The following CELF4 variants were observed in gnomAD, a reference collection of about 807,000 sequenced individuals.
The protein encoded by CELF4 is CUGBP Elav-like family member 4.
Under a neutral mutation model 59.9 loss-of-function variants are expected in CELF4, and 18 were observed. The observed-to-expected ratio is 0.30, with a 90% confidence interval of 0.21 to 0.45. The LOEUF (loss-of-function observed/expected upper bound fraction) is 0.45. Among genes scored for constraint, CELF4 ranks in the 20% least tolerant of loss-of-function variants. The probability of loss-of-function intolerance (pLI) is 1.00; values close to 1 mark genes in which losing one functional copy is unlikely to be tolerated. For synonymous variants in CELF4, 261 were observed against 267.1 expected (o/e 0.98, Z 0.22); for missense variants, 456 against 689.0 (o/e 0.66, Z 3.79).
At chr18:37,350,293 A>G (rs997798138) in intron 2 of CELF4, among the ~76,000 whole-genome samples, 6 of 152,300 alleles carry the variant, frequency 3.9e-5, no homozygotes, top group Middle Eastern at 6.8e-3. Context: ...TATCCAGAAC[A>G]TTCTCATCCA....
chr18:37,264,772 C>A lies in CELF4; in HGVS notation c.1166-15G>T. 2 of 1,558,492 alleles carry A rather than the reference C, an allele frequency of 1.3e-6. No homozygotes were observed. The highest frequency in any genetic ancestry group is 1.7e-6 in the Non-Finnish European group (2 of 1,149,210). ...GTAGGCAGCTGCTGGAGGCCCAAGA[C>A]AAGAAGCAAGAGCCGGCGACAAGGC... On this transcript the variant is annotated splice_polypyrimidine_tract_variant and intron_variant, in intron 9 of 12. Transcript: ENST00000420428.
At chr18:37,302,088 G>A (rs1436811822) in intron 3 of CELF4, among the ~76,000 whole-genome samples, 3 of 152,186 alleles carry the variant, frequency 2.0e-5, no homozygotes, top group East Asian at 1.9e-4. Context: ...CTTTCACAGC[G>A]AACAAGTTGG....
intron 1 of CELF4, among the ~76,000 whole-genome samples, chr18:37,503,291 G>A (rs1214620981): frequency 6.6e-6 from 1 of 152,234 alleles, no homozygotes; most frequent in African/African-American, 2.4e-5. Context: ...AGGAGCACTT[G>A]CAGCCAGAGA....
chr18:37,453,458 C>T (rs1478359899), intron 2 of CELF4, among the ~76,000 whole-genome samples: 1 of 152,224 alleles, frequency 6.6e-6, no homozygotes, highest in Non-Finnish European at 1.5e-5. Flanking sequence ...GTGTGACACT[C>T]TTGGGGGAAC....
intron 1 of CELF4, among the ~76,000 whole-genome samples, chr18:37,520,712 A>T (rs895580048): frequency 2.0e-5 from 3 of 152,144 alleles, no homozygotes; most frequent in African/African-American, 7.2e-5. Context: ...GAGCACTCAG[A>T]TCCCAAGACA....
intron 2 of CELF4, among the ~76,000 whole-genome samples, chr18:37,447,535 G>C (rs191970859): frequency 6.6e-6 from 1 of 152,156 alleles, no homozygotes; most frequent in African/African-American, 2.4e-5. Flanking sequence ...GGAGCGACCC[G>C]TTTTTCTTTC....
intron 2 of CELF4, among the ~76,000 whole-genome samples, chr18:37,434,580 G>A (rs2099683225): frequency 6.6e-6 from 1 of 152,214 alleles, no homozygotes; most frequent in Non-Finnish European, 1.5e-5. Flanking sequence ...GGAGATGGAA[G>A]AGAGCCGGGG....
intron 2 of CELF4, among the ~76,000 whole-genome samples, chr18:37,393,235 T>G (rs1037574230): frequency 1.3e-5 from 2 of 152,162 alleles, no homozygotes; most frequent in African/African-American, 4.8e-5. Context: ...GGTGCCCAGC[T>G]TGGCCTGGCA....
At chr18:37,555,990 T>G (rs1417420004) in intron 1 of CELF4, among the ~76,000 whole-genome samples, 1 of 152,212 alleles carries the variant, frequency 6.6e-6, no homozygotes, top group African/African-American at 2.4e-5. Context: ...GAGTCTGTTT[T>G]GAACACTGTT....
rs2096931519 is a variant in CELF4 at position 37,318,119 on chromosome 18, C to T, written c.448+3684G>A. On this transcript the variant is annotated intron_variant, in intron 3 of 12. Coordinates refer to ENST00000420428, the MANE Select transcript of CELF4 (RefSeq NM_020180.4). ...CTGGAGGGCAGCTGTGGATGGGTGT[C>T]CTGTGTCCTCTGGGTTTCGGGGACT... is the stretch of plus-strand genomic sequence containing the variant. Among the ~76,000 whole-genome samples, 3 of 152,154 alleles carry T rather than the reference C, an allele frequency of 2.0e-5. No homozygotes were observed. The South Asian group carries it at 6.2e-4, about 32-fold the overall frequency.
At chr18:37,295,286 G>A (rs926893319) in intron 3 of CELF4, among the ~76,000 whole-genome samples, 2 of 152,232 alleles carry the variant, frequency 1.3e-5, no homozygotes, top group African/African-American at 2.4e-5. Context: ...AGTGGTCACT[G>A]GTGCCAAAGG....
intron 1 of CELF4, among the ~76,000 whole-genome samples, chr18:37,502,391 A>AG (rs893832703): frequency 6.6e-5 from 10 of 151,396 alleles, no homozygotes; most frequent in Admixed American, 3.9e-4. Context: ...GGAGGAAGGA[A>AG]GGGGGGGCAG....
intron 2 of CELF4, among the ~76,000 whole-genome samples, chr18:37,457,071 T>A (rs2099780355): frequency 6.6e-6 from 1 of 152,152 alleles, no homozygotes; most frequent in Non-Finnish European, 1.5e-5. Context: ...TCTGGAAGGT[T>A]CAGTGGAAGT....
At chr18:37,404,139 C>T (rs1462460545) in intron 2 of CELF4, among the ~76,000 whole-genome samples, 1 of 152,216 alleles carries the variant, frequency 6.6e-6, no homozygotes, top group African/African-American at 2.4e-5. Flanking sequence ...ATGGGCAGGC[C>T]TGAGCCAGCA....
intron 2 of CELF4, among the ~76,000 whole-genome samples, chr18:37,386,409 GGA>G (rs1222468500): frequency 6.6e-6 from 1 of 152,202 alleles, no homozygotes; most frequent in Non-Finnish European, 1.5e-5. Context: ...GCGGTCGTGG[GGA>G]GAGACGGGAA....
chr18:37,331,093 G>A (rs1468845717), intron 2 of CELF4, among the ~76,000 whole-genome samples: 3 of 152,152 alleles, frequency 2.0e-5, no homozygotes, highest in African/African-American at 2.4e-5. Context: ...GACACATACC[G>A]GCACGTAGGC....
intron 2 of CELF4, among the ~76,000 whole-genome samples, chr18:37,425,518 A>C (rs10048364): frequency 6.6e-6 from 1 of 152,166 alleles, no homozygotes; most frequent in African/African-American, 2.4e-5. Context: ...CTGAGACCCA[A>C]AGAATTCATA....
At chr18:37,468,774 G>C (rs1338938750) in intron 2 of CELF4, among the ~76,000 whole-genome samples, 1 of 152,130 alleles carries the variant, frequency 6.6e-6, no homozygotes, top group Non-Finnish European at 1.5e-5. Context: ...GCAGGGGAGA[G>C]AGAGCGAATG....
chr18:37,275,067 G>T, intron 4 of CELF4, 48 bp downstream of exon 4: 3 of 1,601,372 alleles, frequency 1.9e-6, no homozygotes, highest in Non-Finnish European at 2.6e-6. Flanking sequence ...GTCTCCCTCC[G>T]CCTCGCCCCT....
Sources: allele counts gnomAD v4.1 joint callset (sites outside exome capture counted in the v4.1 genomes callset), GRCh38; gene constraint gnomAD v4.1.1; transcripts MANE v1.5; gene names NCBI Gene and HGNC (gene_info 2026-07-23, HGNC 2026-07-21).